CLSTN2: variants seen among roughly 807,000 people sequenced by gnomAD.
CLSTN2 encodes calsyntenin-2.
In CLSTN2, 48 loss-of-function variants were observed where a neutral mutation model predicts 101.2. The observed-to-expected ratio is 0.47, with a 90% CI of 0.38 to 0.60. The LOEUF (loss-of-function observed/expected upper bound fraction) is 0.60. CLSTN2 is among the 20% of genes least tolerant of loss of function. The pLI is 0.00. For synonymous variants in CLSTN2, 481 were observed against 463.6 expected (o/e 1.04, Z -0.48); for missense variants, 1,160 against 1,238.2 (o/e 0.94, Z 0.95).
At chr3:140,180,879 T>C (rs2010397467) in intron 2 of CLSTN2, among the ~76,000 whole-genome samples, 1 of 152,190 alleles carries the variant, frequency 6.6e-6, no homozygotes, top group Non-Finnish European at 1.5e-5. Context: ...TAACTCTGTT[T>C]GTCCTTTTGT....
intron 1 of CLSTN2, among the ~76,000 whole-genome samples, chr3:140,047,526 T>C (rs2007904918): frequency 6.6e-6 from 1 of 152,224 alleles, no homozygotes; most frequent in Non-Finnish European, 1.5e-5. Flanking sequence ...TGTGTCTTAG[T>C]TCATTTTCTG....
chr3:140,067,194 T>A (rs1217321324), intron 1 of CLSTN2, among the ~76,000 whole-genome samples: 1 of 152,216 alleles, frequency 6.6e-6, no homozygotes, highest in African/African-American at 2.4e-5. Context: ...GGCAGGGCCA[T>A]GCTGAAGATC....
intron 9 of CLSTN2, among the ~76,000 whole-genome samples, chr3:140,534,638 G>A (rs964081566): frequency 6.6e-6 from 1 of 152,162 alleles, no homozygotes; most frequent in African/African-American, 2.4e-5. Flanking sequence ...GTAGCAAGAG[G>A]AAAAGAAAAC....
intron 1 of CLSTN2, among the ~76,000 whole-genome samples, chr3:139,978,219 G>T (rs984885174): frequency 6.6e-6 from 1 of 152,140 alleles, no homozygotes; most frequent in African/African-American, 2.4e-5. Flanking sequence ...TTATTGCCAG[G>T]CACCCTGTTA....
intron 1 of CLSTN2, among the ~76,000 whole-genome samples, chr3:140,033,049 T>C (rs1240983302): frequency 6.6e-6 from 1 of 152,238 alleles, no homozygotes; most frequent in Non-Finnish European, 1.5e-5. Context: ...AGCTTACTTA[T>C]TTCTGTGGTT....
chr3:140,002,551 GC>G (rs1231900425), intron 1 of CLSTN2, among the ~76,000 whole-genome samples: 1 of 152,126 alleles, frequency 6.6e-6, no homozygotes. Flanking sequence ...CTGTGCAGAA[GC>G]TTTTTAATTT....
intron 1 of CLSTN2, among the ~76,000 whole-genome samples, chr3:140,117,362 T>C (rs2009262330): frequency 6.6e-6 from 1 of 152,122 alleles, no homozygotes; most frequent in Non-Finnish European, 1.5e-5. Context: ...AGCCCTTAGT[T>C]CTGCATGCCT....
chr3:140,418,131 T>G (rs2088451348), intron 4 of CLSTN2, among the ~76,000 whole-genome samples: 1 of 151,950 alleles, frequency 6.6e-6, no homozygotes, highest in South Asian at 2.1e-4. Flanking sequence ...GAAAGTTAAT[T>G]TTTTTTTTCA....
chr3:140,308,712 G>C lies in CLSTN2; in HGVS notation c.233-94917G>C, dbSNP rs117876597. ...ACAGTGTTGACAGAAACCTCTCAACGTACAGTGCCAAATTATTAAACAATG... is the reference window on the plus strand; with the variant it reads ...ACAGTGTTGACAGAAACCTCTCAACCTACAGTGCCAAATTATTAAACAATG... On this transcript the variant is annotated intron_variant, in intron 2 of 16. Coordinates refer to ENST00000458420, the MANE Select transcript of CLSTN2 (RefSeq NM_022131.3). Among the ~76,000 whole-genome samples, 263 of 152,310 alleles carry C rather than the reference G, an allele frequency of 1.7e-3. 4 individuals are homozygous for C. The East Asian group carries it at 0.045, about 26-fold the overall frequency.
At position 140,117,595 on chromosome 3, in the gene CLSTN2, C is replaced by T. The variant is rs139818552; in HGVS notation, c.110-58356C>T. On this transcript the variant is annotated intron_variant, in intron 1 of 16. Transcript: ENST00000458420. ...GGGGTAGGAGAGGGGAAGCAGATAT[C>T]AATTTTCTATAAACAATACTTACTG... Among the ~76,000 whole-genome samples, 416 of 152,278 alleles carry T rather than the reference C, an allele frequency of 2.7e-3. 2 individuals carry two copies. The highest frequency in any genetic ancestry group is 8.3e-3 in the African/African-American group (347 of 41,562).
chr3:140,103,469 T>C (rs58094177), intron 1 of CLSTN2, among the ~76,000 whole-genome samples: 2 of 152,354 alleles, frequency 1.3e-5, no homozygotes, highest in African/African-American at 2.4e-5. Flanking sequence ...TCCAATTCCA[T>C]CATCATAGGC....
intron 2 of CLSTN2, among the ~76,000 whole-genome samples, chr3:140,372,019 G>A (rs1330013200): frequency 1.3e-5 from 2 of 152,144 alleles, no homozygotes; most frequent in Non-Finnish European, 2.9e-5. Context: ...ATAACTTCAA[G>A]GACCTAAGAT....
chr3:140,503,244 G>A (rs1369990136), intron 8 of CLSTN2, among the ~76,000 whole-genome samples: 1 of 152,154 alleles, frequency 6.6e-6, no homozygotes, highest in Non-Finnish European at 1.5e-5. Flanking sequence ...TGCTGTTTAA[G>A]TACAGTCATG....
intron 2 of CLSTN2, among the ~76,000 whole-genome samples, chr3:140,337,609 C>T (rs1173578477): frequency 1.3e-5 from 2 of 152,192 alleles, no homozygotes; most frequent in Non-Finnish European, 2.9e-5. Flanking sequence ...ATGCTGCCTT[C>T]ATGCCTGAAT....
In CLSTN2 at chr3:140,036,307, A is replaced by G. The variant is rs775500692; in HGVS notation, c.109+100824A>G. ...GAACTGTTTCCATGTCATTAATTAAAACAATTATAGTCCAGCCCCAAATCC... is the reference window on the plus strand; with the variant it reads ...GAACTGTTTCCATGTCATTAATTAAGACAATTATAGTCCAGCCCCAAATCC... On this transcript the variant is annotated intron_variant, in intron 1 of 16. Transcript: ENST00000458420. 3.3e-5 allele frequency among the ~76,000 whole-genome samples: 5 copies of G among 152,184 alleles called. No individual in the cohort carries two copies. The South Asian group carries it at 1.0e-3, about 32-fold the overall frequency.
At chr3:140,310,693 C>T (rs932552070) in intron 2 of CLSTN2, among the ~76,000 whole-genome samples, 3 of 152,134 alleles carry the variant, frequency 2.0e-5, no homozygotes, top group African/African-American at 7.2e-5. Context: ...CTAATTCACT[C>T]CACTCTCCTC....
intron 5 of CLSTN2, among the ~76,000 whole-genome samples, chr3:140,425,273 CTTT>C (rs2088554551): frequency 6.6e-6 from 1 of 152,196 alleles, no homozygotes; most frequent in Admixed American, 6.5e-5. Flanking sequence ...CAGCTGGAGC[CTTT>C]CCTTCCTTCG....
At chr3:139,978,381 G>A (rs537887335) in intron 1 of CLSTN2, among the ~76,000 whole-genome samples, 84 of 152,270 alleles carry the variant, frequency 5.5e-4, no homozygotes, top group Non-Finnish European at 8.8e-4. Context: ...GAGAATGAGC[G>A]TGTAAACTTC....
chr3:139,998,628 G>A (rs1245268124), intron 1 of CLSTN2, among the ~76,000 whole-genome samples: 1 of 152,100 alleles, frequency 6.6e-6, no homozygotes, highest in Non-Finnish European at 1.5e-5. Context: ...ACAGGCGTGA[G>A]CCACCGTGCC....
Sources: gnomAD v4.1 joint callset for allele counts (sites outside exome capture counted in the v4.1 genomes callset) on GRCh38, gnomAD v4.1.1 for gene constraint, MANE v1.5 for transcripts, NCBI Gene and HGNC (gene_info 2026-07-23, HGNC 2026-07-21) for gene names.